Variants in DCC observed in about 807,000 individuals in gnomAD.
DCC encodes the protein DCC netrin 1 receptor.
In DCC, 58 loss-of-function variants were observed where a neutral mutation model predicts 172.5. The observed-to-expected ratio is 0.34, with a 90% CI of 0.27 to 0.42. The LOEUF (loss-of-function observed/expected upper bound fraction) is 0.42. Among genes scored for constraint, DCC ranks in the 10% least tolerant of loss-of-function variants. The probability of loss-of-function intolerance (pLI) is 1.00; values close to 1 mark genes in which losing one functional copy is unlikely to be tolerated. For synonymous variants in DCC, 709 were observed against 644.5 expected, an observed-to-expected ratio of 1.10 and a Z score of -1.52; for missense variants, 1,740 against 1,791.0, an observed-to-expected ratio of 0.97 and a Z score of 0.51.
chr18:52,591,929 T>C (rs1268393471), intron 1 of DCC, among the ~76,000 whole-genome samples: 1 of 151,870 alleles, frequency 6.6e-6, no homozygotes, highest in Non-Finnish European at 1.5e-5. Flanking sequence ...GGATTACCGG[T>C]GTAAGCTTCC....
chr18:52,880,372 T>C (rs2039465961), intron 2 of DCC, among the ~76,000 whole-genome samples: 1 of 152,194 alleles, frequency 6.6e-6, no homozygotes, highest in Admixed American at 6.5e-5. Flanking sequence ...GGTCTGGAAC[T>C]CCTGGCCTCA....
chr18:52,692,971 G>A (rs1568045526), intron 1 of DCC, among the ~76,000 whole-genome samples: 8 of 152,120 alleles, frequency 5.3e-5, no homozygotes, highest in African/African-American at 2.4e-5. Context: ...TGATATAGAA[G>A]CCAGGAGAGT....
chr18:53,352,561 A>G (rs945027401), intron 15 of DCC, among the ~76,000 whole-genome samples: 3 of 152,128 alleles, frequency 2.0e-5, no homozygotes, highest in Non-Finnish European at 4.4e-5. Flanking sequence ...TATACATATC[A>G]TGCTATAATG....
chr18:52,972,049 C>T (rs1185123793), intron 5 of DCC, among the ~76,000 whole-genome samples: 1 of 152,120 alleles, frequency 6.6e-6, no homozygotes, highest in East Asian at 1.9e-4. Context: ...TATGTAACCT[C>T]TCTCAAAATG....
chr18:53,194,396 T>C lies in DCC; in HGVS notation c.1574-10820T>C, dbSNP rs534378489. On this transcript the variant is annotated intron_variant, in intron 9 of 28. Transcript: ENST00000442544. ...TCGGTGATGTCACATGTCTGGATCA[T>C]CCTGGCTTTTCTATCAGGGACTCTG... Among the ~76,000 whole-genome samples, 13 of 152,240 alleles carry C rather than the reference T, an allele frequency of 8.5e-5. No individual in the cohort carries two copies. The East Asian group carries it at 2.5e-3, about 29-fold the overall frequency.
chr18:52,427,823 C>T (rs12957946), intron 1 of DCC, among the ~76,000 whole-genome samples: 2,314 of 67,710 alleles, frequency 0.034, 131 homozygotes, highest in African/African-American at 0.095. Context: ...TTTCTTCCTT[C>T]CTTCCTTCCT....
At chr18:53,128,420 G>C (rs894256632) in intron 7 of DCC, among the ~76,000 whole-genome samples, 3 of 152,026 alleles carry the variant, frequency 2.0e-5, no homozygotes, top group Non-Finnish European at 2.9e-5. Context: ...GTAATGCTGA[G>C]AGATTTTACT....
intron 25 of DCC, among the ~76,000 whole-genome samples, chr18:53,481,462 C>T (rs1436353012): frequency 1.3e-5 from 2 of 152,172 alleles, no homozygotes; most frequent in Non-Finnish European, 2.9e-5. Flanking sequence ...CATTCTGTGG[C>T]ACTTGCTTAT....
intron 7 of DCC, among the ~76,000 whole-genome samples, chr18:53,154,085 A>G (rs1029857698): frequency 1.3e-5 from 2 of 152,170 alleles, no homozygotes; most frequent in Non-Finnish European, 2.9e-5. Flanking sequence ...TGTTTAGGAA[A>G]GGCAAATCCC....
rs1424452162 is a variant in DCC at position 53,217,296 on chromosome 18, CACACATAT to C, written c.1911+1700_1911+1707del. On this transcript the variant is annotated intron_variant, in intron 12 of 28. Transcript: ENST00000442544. ...ACACACACACACACACACACACACA[CACACATAT>C]GTATATACACACACACACACACACA... Among the ~76,000 whole-genome samples the C allele has an allele frequency of 4.5e-4, 44 of 98,520 alleles. 2 individuals are homozygous for C. Among genetic ancestry groups the C allele is most frequent in the African/African-American group, 3.1e-3 (42 of 13,510 alleles). The allele number at this position is 98,520 out of a possible 152,430, so 64.6% of individuals were successfully genotyped here. A position where few individuals can be genotyped will look rare whatever the true frequency, so the allele number is the denominator to read the frequency against.
At chr18:52,381,267 T>G (rs1022977534) in intron 1 of DCC, among the ~76,000 whole-genome samples, 6 of 152,190 alleles carry the variant, frequency 3.9e-5, no homozygotes, top group Non-Finnish European at 8.8e-5. Flanking sequence ...TCAGACCATC[T>G]GGATTTACTT....
chr18:53,126,926 T>C (rs1280116061), intron 7 of DCC, among the ~76,000 whole-genome samples: 1 of 152,148 alleles, frequency 6.6e-6, no homozygotes, highest in African/African-American at 2.4e-5. Context: ...CCAGTACTTT[T>C]ATGCCAAATA....
At chr18:53,005,028 C>T (rs2041623246) in intron 5 of DCC, among the ~76,000 whole-genome samples, 1 of 152,146 alleles carries the variant, frequency 6.6e-6, no homozygotes, top group African/African-American at 2.4e-5. Flanking sequence ...TTAGCCCCTT[C>T]TTGCTCTCTT....
At chr18:53,288,470 TC>T (rs1430646721) in intron 12 of DCC, among the ~76,000 whole-genome samples, 1 of 152,174 alleles carries the variant, frequency 6.6e-6, no homozygotes, top group Non-Finnish European at 1.5e-5. Context: ...GAAATAAAAA[TC>T]TTTTAAAATA....
chr18:52,559,235 C>T (rs977256118), intron 1 of DCC, among the ~76,000 whole-genome samples: 2 of 152,174 alleles, frequency 1.3e-5, no homozygotes, highest in Admixed American at 6.5e-5. Flanking sequence ...CCTCAACCTC[C>T]CGAGTAGCTG....
intron 1 of DCC, among the ~76,000 whole-genome samples, chr18:52,356,766 T>A (rs749258934): frequency 5.5e-5 from 8 of 144,512 alleles, no homozygotes; most frequent in Non-Finnish European, 1.2e-4. Flanking sequence ...AAGTTACCTG[T>A]TCTGGCTGGA....
Position 53,530,924 on chromosome 18 carries a change from A to G in DCC, c.*271A>G. ...ATGTCAAAGTTTAAGCTGCTAGAAT[A>G]GTCATGGGCCTTTGTCACTGCAGTG... On this transcript the variant is annotated 3_prime_UTR_variant, in exon 29 of 29. Coordinates refer to ENST00000442544, the MANE Select transcript of DCC (RefSeq NM_005215.4). 1 of 557,952 alleles carries G rather than the reference A, an allele frequency of 1.8e-6. No homozygotes were observed. Among genetic ancestry groups the G allele is most frequent in the Non-Finnish European group, 3.2e-6 (1 of 309,848 alleles). The allele number at this position is 557,952 out of a possible 1,614,324, so 34.6% of individuals were successfully genotyped here.
chr18:52,521,007 T>C (rs987533916), intron 1 of DCC, among the ~76,000 whole-genome samples: 3 of 152,136 alleles, frequency 2.0e-5, no homozygotes, highest in Non-Finnish European at 4.4e-5. Context: ...TGAAGAAAAA[T>C]AGTGTATTTT....
At chr18:53,232,726 A>C (rs2056141798) in intron 12 of DCC, among the ~76,000 whole-genome samples, 1 of 152,110 alleles carries the variant, frequency 6.6e-6, no homozygotes, top group Admixed American at 6.6e-5. Context: ...CCATTCCAGC[A>C]ATCTTCTCTA....
Sources: allele counts gnomAD v4.1 joint callset (sites outside exome capture counted in the v4.1 genomes callset), GRCh38; gene constraint gnomAD v4.1.1; transcripts MANE v1.5; gene names NCBI Gene and HGNC (gene_info 2026-07-23, HGNC 2026-07-21).